ACKR3: variants seen among roughly 807,000 people sequenced by gnomAD.
The protein encoded by ACKR3 is C-X-C chemokine receptor type 7.
Under a neutral mutation model 22.4 loss-of-function variants are expected in ACKR3, and 6 were observed. That is an observed-to-expected ratio of 0.27 (90% CI 0.15 to 0.53). The LOEUF (loss-of-function observed/expected upper bound fraction) is 0.53. Among genes scored for constraint, ACKR3 ranks in the 20% least tolerant of loss-of-function variants. The pLI is 0.96. For missense variants in ACKR3, 396 were observed against 475.2 expected (o/e 0.83, Z 1.55); for synonymous variants, 209 against 205.2 (o/e 1.02, Z -0.16).
chr2:236,551,218 G>C, the ACKR3 span, among the ~76,000 whole-genome samples: 1 of 152,180 alleles, frequency 6.6e-6, no homozygotes, highest in African/African-American at 2.4e-5. Flanking sequence ...GGTGCTCCGG[G>C]CTCTGCATAT....
the ACKR3 span, among the ~76,000 whole-genome samples, chr2:236,560,334 T>TTTTTTTA: frequency 6.6e-6 from 1 of 150,730 alleles, no homozygotes. Flanking sequence ...TTTTTTTTTT[T>TTTTTTTA]TGTAAAGGCC....
rs75473841 is a variant in ACKR3, at chr2:236,573,205, C to G, written c.-27+3281C>G. ...ACACACACATGCACACACACACACA[C>G]CCCACTCAATGATGCGCAGTTGCCT... is the stretch of plus-strand genomic sequence containing the variant. On this transcript the variant is annotated intron_variant, in intron 1 of 1. Transcript: ENST00000272928. 9.6e-3 allele frequency among the ~76,000 whole-genome samples: 1,454 copies of G among 152,250 alleles called. 20 individuals are homozygous for G. Among genetic ancestry groups the G allele is most frequent in the African/African-American group, 0.033 (1,367 of 41,520 alleles).
Position 236,582,213 on chromosome 2 carries a change from A to G in ACKR3, c.*659A>G, listed in dbSNP as rs1481021482. On this transcript the variant is annotated 3_prime_UTR_variant, in exon 2 of 2. Transcript: ENST00000272928. Reference sequence around the variant, plus strand: ...TTGTAATGCAGTTTGTGACATTAATAGTATTGTAAAGTTACATTTTAAAAT... The same window carrying G: ...TTGTAATGCAGTTTGTGACATTAATGGTATTGTAAAGTTACATTTTAAAAT... 6.0e-6 allele frequency: 1 copy of G among 167,064 alleles called. No homozygotes were observed. The highest frequency in any genetic ancestry group is 1.5e-5 in the Non-Finnish European group (1 of 68,120). 10.3% of individuals were successfully genotyped at this position (167,064 alleles called of 1,614,324 possible).
chr2:236,542,926 A>T, the ACKR3 span, among the ~76,000 whole-genome samples: 1 of 83,604 alleles, frequency 1.2e-5, no homozygotes, highest in Non-Finnish European at 2.0e-5. Context: ...TCCATTAGTT[A>T]CTACTTGTAC....
chr2:236,547,233 G>C, the ACKR3 span, among the ~76,000 whole-genome samples: 1 of 152,166 alleles, frequency 6.6e-6, no homozygotes, highest in Non-Finnish European at 1.5e-5. Context: ...GAGAGCTAAT[G>C]ACTGTTTACA....
rs901930169 is a variant in ACKR3 at position 236,581,727 on chromosome 2, C to CA, written c.*174dup. On this transcript the variant is annotated 3_prime_UTR_variant, in exon 2 of 2. Coordinates refer to ENST00000272928, the MANE Select transcript of ACKR3 (RefSeq NM_020311.3). The surrounding 1 kb of genome is among the most constrained non-coding windows in gnomAD (Gnocchi z 4.4). ...CTCTTTCTCTTGATGACGCAGCTGT[C>CA]ATTTGGCTGTGCGTGCTGACAGTTT... 8 of 868,390 alleles carry CA rather than the reference C, an allele frequency of 9.2e-6. No homozygotes were observed. Among genetic ancestry groups the CA allele is most frequent in the Non-Finnish European group, 1.4e-5 (8 of 578,954 alleles). 53.8% of individuals were successfully genotyped at this position (868,390 alleles called of 1,614,324 possible).
At chr2:236,538,851 T>C in the ACKR3 span, among the ~76,000 whole-genome samples, 1 of 152,242 alleles carries the variant, frequency 6.6e-6, no homozygotes, top group Non-Finnish European at 1.5e-5. Flanking sequence ...TGATGTGTGG[T>C]TTCCCTGAGA....
chr2:236,538,662 C>A, the ACKR3 span, among the ~76,000 whole-genome samples: 1 of 152,204 alleles, frequency 6.6e-6, no homozygotes, highest in African/African-American at 2.4e-5. Flanking sequence ...ATCTGCCCTG[C>A]CCTTAAAAAG....
At position 236,580,967 on chromosome 2, in the gene ACKR3, G is replaced by C. The variant is rs1163990997; in HGVS notation, c.502G>C (p.Val168Leu). The change falls in exon 2 of 2, where the codon GTG becomes CTG. Residue 168 changes from valine (V) to leucine (L), a missense_variant. Coordinates refer to ENST00000272928, the MANE Select transcript of ACKR3 (RefSeq NM_020311.3). ...KMVRRVVCIL[V>L]WLLAFCVSLP... The stretch of plus-strand genomic sequence containing the variant: ...GGTACGCCGTGTCGTCTGCATCCTG[G>C]TGTGGCTGCTGGCCTTCTGCGTGTC... 1.9e-6 allele frequency: 3 copies of C among 1,614,014 alleles called. No individual in the cohort carries two copies. The highest frequency in any genetic ancestry group is 2.5e-6 in the Non-Finnish European group (3 of 1,180,048).
At chr2:236,563,695 T>G (rs1451367349), upstream of ACKR3, among the ~76,000 whole-genome samples, 1 of 152,044 alleles carries the variant, frequency 6.6e-6, no homozygotes, top group Non-Finnish European at 1.5e-5. Flanking sequence ...CCATAGACAG[T>G]GCGGTGGATA....
At chr2:236,571,618 GAAAAA>G (rs397988342) in intron 1 of ACKR3, among the ~76,000 whole-genome samples, 1 of 76,596 alleles carries the variant, frequency 1.3e-5, no homozygotes, top group Non-Finnish European at 2.5e-5. Flanking sequence ...CTTTCTGAAT[GAAAAA>G]AAAAAAAAAA....
chr2:236,565,436 T>C (rs1452233987), upstream of ACKR3, among the ~76,000 whole-genome samples: 1 of 152,204 alleles, frequency 6.6e-6, no homozygotes, highest in Non-Finnish European at 1.5e-5. Context: ...CCCTAGATGA[T>C]GCAACATTTT....
the ACKR3 span, among the ~76,000 whole-genome samples, chr2:236,539,463 C>T: frequency 2.0e-5 from 3 of 151,976 alleles, no homozygotes; most frequent in Admixed American, 6.6e-5. Context: ...CAGGTGTTCA[C>T]TACCACGCCT....
At chr2:236,543,775 C>G in the ACKR3 span, among the ~76,000 whole-genome samples, 1 of 151,544 alleles carries the variant, frequency 6.6e-6, no homozygotes, top group Non-Finnish European at 1.5e-5. Context: ...GAAATGTGAC[C>G]TAAATTTCAT....
intron 1 of ACKR3, among the ~76,000 whole-genome samples, chr2:236,573,165 C>T (rs562041158): frequency 1.3e-5 from 2 of 152,214 alleles, no homozygotes; most frequent in African/African-American, 4.8e-5. Context: ...GTTAAAAACA[C>T]ACAGACACAC....
At position 236,574,303 on chromosome 2, in the gene ACKR3, C is replaced by T. The variant is rs572150746; in HGVS notation, c.-27+4379C>T. On this transcript the variant is annotated intron_variant, in intron 1 of 1. Coordinates refer to ENST00000272928, the MANE Select transcript of ACKR3 (RefSeq NM_020311.3). This position sits in a 1 kb window ranked among gnomAD's most constrained non-coding sequence, Gnocchi z 5.6. ...CGATTAACTGCTGGCTCATTGAGTACCTACTATGTGCAGCTGTAGCTGTAT... is the reference window on the plus strand; with the variant it reads ...CGATTAACTGCTGGCTCATTGAGTATCTACTATGTGCAGCTGTAGCTGTAT... Among the ~76,000 whole-genome samples the T allele has an allele frequency of 6.6e-6, 1 of 152,102 alleles. No homozygotes were observed. Among genetic ancestry groups the T allele is most frequent in the African/African-American group, 2.4e-5 (1 of 41,404 alleles).
In ACKR3 at chr2:236,581,373, T is replaced by A; in HGVS notation, c.908T>A (p.Leu303Gln). Residue 303 changes from leucine (L) to glutamine (Q), a missense_variant, in exon 2 of 2, where the codon CTG becomes CAG. Leu to Gln is a moderately radical substitution (Grantham distance 113, BLOSUM62 -2). Transcript: ENST00000272928. The surrounding 1 kb of genome is among the most constrained non-coding windows in gnomAD (Gnocchi z 4.4). ...LFTALHVTQC[L>Q]SLVHCCVNPV... ...ACGGCCCTGCATGTCACACAGTGCC[T>A]GTCGCTGGTGCACTGCTGCGTCAAC... 1 of 1,614,108 alleles carries A rather than the reference T, an allele frequency of 6.2e-7. No individual in the cohort carries two copies. The highest frequency in any genetic ancestry group is 8.5e-7 in the Non-Finnish European group (1 of 1,180,050).
At chr2:236,568,055 G>A (rs944262090), upstream of ACKR3, among the ~76,000 whole-genome samples, 1 of 152,210 alleles carries the variant, frequency 6.6e-6, no homozygotes, top group South Asian at 2.1e-4. Context: ...CGCACGAAGC[G>A]GGTTCTACTT....
chr2:236,549,253 G>A, the ACKR3 span, among the ~76,000 whole-genome samples: 1 of 152,200 alleles, frequency 6.6e-6, no homozygotes, highest in African/African-American at 2.4e-5. This position sits in a 1 kb window ranked among gnomAD's most constrained non-coding sequence, Gnocchi z 5.3. Flanking sequence ...AAAGGGAGCA[G>A]CTTCCACCTT....
Sources: allele counts gnomAD v4.1 joint callset (sites outside exome capture counted in the v4.1 genomes callset), GRCh38; gene constraint gnomAD v4.1.1; non-coding constraint Gnocchi (gnomAD v3.1); transcripts MANE v1.5; gene names NCBI Gene and HGNC (gene_info 2026-07-23, HGNC 2026-07-21).